The following ESRP1 variants were observed in gnomAD, a reference collection of about 807,000 sequenced individuals.
ESRP1 encodes RNA-binding motif protein 35A.
In ESRP1, 33 loss-of-function variants were observed where a neutral mutation model predicts 81.7. That is an observed-to-expected ratio of 0.40 (90% CI 0.31 to 0.54). The LOEUF is 0.54. Among genes scored for constraint, ESRP1 ranks in the 20% least tolerant of loss-of-function variants. The pLI, the probability that ESRP1 is intolerant of heterozygous loss-of-function variation, is 0.41. For synonymous variants in ESRP1, 320 were observed against 303.3 expected, an observed-to-expected ratio of 1.06 and a Z score of -0.57; for missense variants, 672 against 833.1, an observed-to-expected ratio of 0.81 and a Z score of 2.38.
intron 4 of ESRP1, among the ~76,000 whole-genome samples, chr8:94,650,446 T>A (rs919655229): frequency 1.3e-5 from 2 of 152,232 alleles, no homozygotes; most frequent in East Asian, 3.8e-4. Context: ...TCATGTAGTA[T>A]GTAATCTTTT....
intron 15 of ESRP1, among the ~76,000 whole-genome samples, chr8:94,699,187 C>T (rs1809717658): frequency 6.6e-6 from 1 of 152,174 alleles, no homozygotes; most frequent in African/African-American, 2.4e-5. Context: ...CCTAAACTGA[C>T]TACGAACCAT....
At chr8:94,692,447 A>G (rs1809440712) in intron 13 of ESRP1, among the ~76,000 whole-genome samples, 1 of 152,134 alleles carries the variant, frequency 6.6e-6, no homozygotes, top group Non-Finnish European at 1.5e-5. Flanking sequence ...GATGTGAGGA[A>G]GCCCTGTATG....
intron 4 of ESRP1, among the ~76,000 whole-genome samples, chr8:94,661,180 ACAGGCATG>A (rs1356499682): frequency 2.6e-5 from 4 of 152,066 alleles, no homozygotes; most frequent in African/African-American, 9.7e-5. Flanking sequence ...AGCTGAGATT[ACAGGCATG>A]CACCACCACG....
At chr8:94,694,605 G>GA (rs1448430384) in intron 14 of ESRP1, among the ~76,000 whole-genome samples, 1 of 152,042 alleles carries the variant, frequency 6.6e-6, no homozygotes, top group Non-Finnish European at 1.5e-5. Flanking sequence ...CTCTGTTTCA[G>GA]AAAAAAAGTG....
chr8:94,691,280 AC>A (rs1809393380), intron 13 of ESRP1, among the ~76,000 whole-genome samples: 2 of 152,322 alleles, frequency 1.3e-5, no homozygotes, highest in East Asian at 3.9e-4. Flanking sequence ...AAACAAACAA[AC>A]AAAAAAACAC....
intron 6 of ESRP1, among the ~76,000 whole-genome samples, chr8:94,663,578 G>T (rs1458005938): frequency 6.6e-6 from 1 of 152,158 alleles, no homozygotes; most frequent in East Asian, 1.9e-4. Context: ...CAAGGAAATA[G>T]CTGGGGAGAA....
chr8:94,701,273 T>A (rs1381555799), intron 15 of ESRP1, among the ~76,000 whole-genome samples: 2 of 127,178 alleles, frequency 1.6e-5, no homozygotes, highest in African/African-American at 3.5e-5. Context: ...AGACTCCATC[T>A]CAAAAAAAAA....
rs1319694370 is a variant in ESRP1 at position 94,706,185 on chromosome 8, G to A, written c.*296G>A. On this transcript the variant is annotated 3_prime_UTR_variant, in exon 16 of 16. Coordinates refer to ENST00000433389, the MANE Select transcript of ESRP1 (RefSeq NM_017697.4). ...TTAAAATGTGAATTTGGAATCAGATGTCTCCATTACTTCCAGTTAAAGTGG... is the reference window on the plus strand; with the variant it reads ...TTAAAATGTGAATTTGGAATCAGATATCTCCATTACTTCCAGTTAAAGTGG... 1.4e-5 allele frequency: 7 copies of A among 496,864 alleles called. No homozygotes were observed. The East Asian group carries it at 2.0e-4, about 14-fold the overall frequency. 30.8% of individuals were successfully genotyped at this position (496,864 alleles called of 1,614,324 possible). A position where few individuals can be genotyped will look rare whatever the true frequency, so the allele number is the denominator to read the frequency against.
In ESRP1 at chr8:94,678,235, C is replaced by A. The variant is rs1808721300; in HGVS notation, c.1684C>A (p.Pro562Thr). The A allele has an allele frequency of 6.2e-7, 1 of 1,613,878 alleles. No individual in the cohort carries two copies. Among genetic ancestry groups the A allele is most frequent in the African/African-American group, 1.3e-5 (1 of 74,912 alleles). Residue 562 changes from proline (P) to threonine (T), a missense_variant, in exon 13 of 16, where the codon CCT becomes ACT. Transcript: ENST00000433389. ...LSPPSYTFPA[P>T]AAVIPTEAAI... ...TCCTCCCTCCTACACATTTCCAGCT[C>A]CTGCTGCAGTTATTCCTACAGAAGC...
chr8:94,700,864 G>T (rs1434040394), intron 15 of ESRP1, among the ~76,000 whole-genome samples: 2 of 151,908 alleles, frequency 1.3e-5, no homozygotes. Context: ...GGAAGGCAGA[G>T]CTTGTAGTGA....
intron 14 of ESRP1, among the ~76,000 whole-genome samples, chr8:94,695,652 C>A (rs897499846): frequency 6.8e-6 from 1 of 146,578 alleles, no homozygotes; most frequent in Non-Finnish European, 1.5e-5. Context: ...CATGAGCCAC[C>A]GCAGCTAGCC....
intron 13 of ESRP1, among the ~76,000 whole-genome samples, chr8:94,689,811 C>CTTTTTTTTTTTTTTTTTTTTTTTGTTTT: frequency 1.5e-5 from 1 of 64,680 alleles, no homozygotes; most frequent in Non-Finnish European, 3.0e-5. Context: ...TGATGCCTGG[C>CTTTTTTTTTTTTTTTTTTTTTTTGTTTT]TTTTTTTTTT....
intron 9 of ESRP1, among the ~76,000 whole-genome samples, chr8:94,666,977 C>T (rs933054534): frequency 2.0e-5 from 3 of 151,970 alleles, no homozygotes; most frequent in African/African-American, 7.3e-5. Context: ...CCAAGGCAGG[C>T]GGATCACTTG....
rs781173693 is a variant in ESRP1 at position 94,678,358 on chromosome 8, G to A, written c.1807G>A (p.Ala603Thr). 9 of 1,613,796 alleles carry A rather than the reference G, an allele frequency of 5.6e-6. No homozygotes were observed. In the East Asian group the frequency reaches 1.8e-4, roughly 32 times the overall value. Residue 603 changes from alanine (A) to threonine (T), a missense_variant, in exon 13 of 16, where the codon GCG becomes ACG. Physicochemically the swap from Ala to Thr is moderately conservative, Grantham distance 58. Transcript: ENST00000433389. The stretch of plus-strand genomic sequence containing the variant: ...CACTCAGCTCTTCATGAATTACACA[G>A]CGTACTATCCCAGGTAAGGCTCTGA... Reference protein sequence around the residue: ...AGTQLFMNYTAYYPSPPGSPN... With the variant: ...AGTQLFMNYTTYYPSPPGSPN...
intron 14 of ESRP1, among the ~76,000 whole-genome samples, chr8:94,693,198 A>G (rs1443357447): frequency 6.6e-6 from 1 of 152,212 alleles, no homozygotes; most frequent in East Asian, 1.9e-4. Flanking sequence ...GACTAAACCA[A>G]TAAGTACTTA....
intron 9 of ESRP1, among the ~76,000 whole-genome samples, chr8:94,667,366 T>C (rs890204250): frequency 4.6e-5 from 7 of 152,050 alleles, no homozygotes; most frequent in African/African-American, 1.4e-4. Flanking sequence ...TTGATCAATA[T>C]TGAAAGTAGG....
At chr8:94,691,319 C>T (rs1268962593) in intron 13 of ESRP1, among the ~76,000 whole-genome samples, 2 of 152,114 alleles carry the variant, frequency 1.3e-5, no homozygotes, top group African/African-American at 4.8e-5. Flanking sequence ...TTCTTACTTG[C>T]AAATTAGTTA....
At chr8:94,676,231 CA>C (rs2130655357) in intron 12 of ESRP1, among the ~76,000 whole-genome samples, 1 of 151,340 alleles carries the variant, frequency 6.6e-6, no homozygotes, top group Admixed American at 6.6e-5. Flanking sequence ...AGTGGTGGCG[CA>C]CATCTGTGAT....
At chr8:94,705,718 G>A (rs1214741568) in intron 15 of ESRP1, 15 of 546,486 alleles carry the variant, frequency 2.7e-5, no homozygotes, top group African/African-American at 1.7e-4. Context: ...TGTAAACCAT[G>A]GAAACTTCCT....
Sources: allele counts gnomAD v4.1 joint callset (sites outside exome capture counted in the v4.1 genomes callset), GRCh38; gene constraint gnomAD v4.1.1; transcripts MANE v1.5; gene names NCBI Gene and HGNC (gene_info 2026-07-23, HGNC 2026-07-21).